CRACD: variants seen among roughly 807,000 people sequenced by gnomAD.
CRACD encodes capping protein-inhibiting regulator of actin dynamics.
Under a neutral mutation model 106.8 loss-of-function variants are expected in CRACD, and 56 were observed. That is an observed-to-expected ratio of 0.52 (90% CI 0.42 to 0.66). The LOEUF (loss-of-function observed/expected upper bound fraction) is 0.66, where lower values mean the gene tolerates loss of function less well. Among genes scored for constraint, CRACD ranks in the 30% least tolerant of loss-of-function variants. CRACD has a pLI of 0.00. For missense variants in CRACD, 1,730 were observed against 1,623.2 expected (o/e 1.07, Z -1.13); for synonymous variants, 754 against 670.8 (o/e 1.12, Z -1.92).
At chr4:56,287,729 T>C (rs561432320) in intron 3 of CRACD, among the ~76,000 whole-genome samples, 44 of 152,248 alleles carry the variant, frequency 2.9e-4, no homozygotes, top group African/African-American at 7.9e-4. Context: ...CTAAAGTCGT[T>C]GTTTGGAGCC....
chr4:56,285,444 C>T (rs1417297483), intron 3 of CRACD, among the ~76,000 whole-genome samples: 2 of 150,252 alleles, frequency 1.3e-5, no homozygotes, highest in African/African-American at 4.9e-5. Flanking sequence ...TAGATAATAA[C>T]TTTTTTTTTT....
At chr4:56,142,579 T>C (rs1233813136) in intron 1 of CRACD, among the ~76,000 whole-genome samples, 1 of 152,202 alleles carries the variant, frequency 6.6e-6, no homozygotes, top group African/African-American at 2.4e-5. Flanking sequence ...TACCTACCAG[T>C]CTTTTCTTTC....
chr4:56,148,650 A>G (rs1427144382), intron 1 of CRACD, among the ~76,000 whole-genome samples: 2 of 152,094 alleles, frequency 1.3e-5, no homozygotes, highest in Non-Finnish European at 2.9e-5. Flanking sequence ...ACAACTTTTT[A>G]TATTTGTTAC....
intron 1 of CRACD, among the ~76,000 whole-genome samples, chr4:56,077,677 A>T (rs780557984): frequency 9.9e-5 from 15 of 152,198 alleles, no homozygotes; most frequent in Non-Finnish European, 2.2e-4. Flanking sequence ...CATGATCATA[A>T]TTGTTTCATT....
chr4:56,136,707 GC>G (rs2109871792), intron 1 of CRACD, among the ~76,000 whole-genome samples: 1 of 152,176 alleles, frequency 6.6e-6, no homozygotes, highest in African/African-American at 2.4e-5. Flanking sequence ...CTTCTGGCTT[GC>G]CTTTTCATGT....
chr4:56,127,850 A>G (rs1042343131), intron 1 of CRACD, among the ~76,000 whole-genome samples: 4 of 152,234 alleles, frequency 2.6e-5, no homozygotes, highest in East Asian at 3.9e-4. Context: ...GGAAAGCCTC[A>G]TTAAATCTCG....
chr4:56,269,941 A>ATAATT (rs1277791558), intron 2 of CRACD, among the ~76,000 whole-genome samples: 1 of 152,182 alleles, frequency 6.6e-6, no homozygotes, highest in African/African-American at 2.4e-5. Context: ...CTTTCAAATA[A>ATAATT]TACACAGTAA....
At chr4:56,121,130 T>A (rs2109853772) in intron 1 of CRACD, among the ~76,000 whole-genome samples, 1 of 152,344 alleles carries the variant, frequency 6.6e-6, no homozygotes, top group South Asian at 2.1e-4. Context: ...AATAGTCATT[T>A]AATATCAGTA....
At chr4:56,222,931 C>T (rs533823552) in intron 2 of CRACD, among the ~76,000 whole-genome samples, 12 of 151,820 alleles carry the variant, frequency 7.9e-5, no homozygotes, top group South Asian at 4.2e-4. Flanking sequence ...GCCGAAATCA[C>T]GCCATTGCAC....
rs1736934915 is a variant in CRACD, at chr4:56,183,297, G to A, written c.-189+3867G>A. Among the ~76,000 whole-genome samples the A allele has an allele frequency of 8.8e-5, 8 of 91,418 alleles. No homozygotes were observed. The South Asian group carries it at 3.0e-3, about 34-fold the overall frequency. 60.0% of individuals were successfully genotyped at this position (91,418 alleles called of 152,430 possible). A position where few individuals can be genotyped will look rare whatever the true frequency, so the allele number is the denominator to read the frequency against. On this transcript the variant is annotated intron_variant, in intron 2 of 10. Coordinates refer to ENST00000682029, the MANE Select transcript of CRACD (RefSeq NM_001393381.1). ...AAATAAAATAAAATAAAAAGAATTA[G>A]GGGATTTTGAAAGCCTTGAATATAT...
At chr4:56,272,644 G>A (rs1343220949) in intron 3 of CRACD, among the ~76,000 whole-genome samples, 152 bp downstream of exon 3, 16 of 152,070 alleles carry the variant, frequency 1.1e-4, no homozygotes, top group African/African-American at 3.6e-4. Context: ...TAATCCCAAC[G>A]CTTTGGGAGG....
intron 8 of CRACD, among the ~76,000 whole-genome samples, chr4:56,319,801 T>C (rs994759525): frequency 6.6e-5 from 10 of 152,138 alleles, no homozygotes; most frequent in Admixed American, 3.3e-4. Context: ...AGGACAAATA[T>C]GTAGACTTGT....
At chr4:56,108,623 C>T (rs1002523373) in intron 1 of CRACD, among the ~76,000 whole-genome samples, 6 of 151,740 alleles carry the variant, frequency 4.0e-5, no homozygotes, top group Admixed American at 2.0e-4. Context: ...TGGCTGGGCG[C>T]GCTGATATTT....
chr4:56,049,575 C>A (rs943661006), intron 1 of CRACD, among the ~76,000 whole-genome samples: 7 of 152,122 alleles, frequency 4.6e-5, no homozygotes, highest in African/African-American at 1.7e-4. Flanking sequence ...CGGGAACTTG[C>A]GGAGAATATG....
chr4:56,282,794 A>G (rs1743104738), intron 3 of CRACD, among the ~76,000 whole-genome samples: 1 of 152,228 alleles, frequency 6.6e-6, no homozygotes, highest in Admixed American at 6.5e-5. Context: ...ATGATTGTGA[A>G]TGAGGAGAAC....
At chr4:56,299,656 TGA>T (rs1402318132) in intron 4 of CRACD, among the ~76,000 whole-genome samples, 1 of 146,636 alleles carries the variant, frequency 6.8e-6, no homozygotes. Context: ...GGTGATAGAG[TGA>T]GAGCTTGTCC....
intron 8 of CRACD, among the ~76,000 whole-genome samples, chr4:56,319,030 A>G (rs1745874385): frequency 6.6e-6 from 1 of 152,108 alleles, no homozygotes; most frequent in African/African-American, 2.4e-5. Flanking sequence ...TACTCGTATT[A>G]TTAGTAGTAT....
rs571665769 is a variant in CRACD, at chr4:56,235,194, A to C, written c.-188-37127A>C. On this transcript the variant is annotated intron_variant, in intron 2 of 10. Transcript: ENST00000682029. The stretch of plus-strand genomic sequence containing the variant: ...ATTGTAAAAACACCTGTTAAGTCTT[A>C]TCTGGCCAAATGCCATAAAGCAATA... 9.2e-5 allele frequency among the ~76,000 whole-genome samples: 14 copies of C among 152,356 alleles called. No individual in the cohort carries two copies. In the East Asian group the frequency reaches 2.7e-3, roughly 29 times the overall value.
At chr4:56,195,441 TA>T (rs927310236) in intron 2 of CRACD, among the ~76,000 whole-genome samples, 14 of 150,868 alleles carry the variant, frequency 9.3e-5, no homozygotes, top group Admixed American at 1.3e-4. Flanking sequence ...TAAGAAAGAC[TA>T]AAAAAAAATG....
Sources: gnomAD v4.1 joint callset for allele counts (sites outside exome capture counted in the v4.1 genomes callset) on GRCh38, gnomAD v4.1.1 for gene constraint, MANE v1.5 for transcripts, NCBI Gene and HGNC (gene_info 2026-07-23, HGNC 2026-07-21) for gene names.